The following TLE1 variants were observed in gnomAD, a reference collection of about 807,000 sequenced individuals.
TLE1 encodes the protein transducin-like enhancer protein 1.
Under a neutral mutation model 89.8 loss-of-function variants are expected in TLE1, and 21 were observed. The observed-to-expected ratio is 0.23, with a 90% CI of 0.17 to 0.34. The LOEUF is 0.34. TLE1 is among the 10% of genes least tolerant of loss of function. The pLI is 1.00. For missense variants in TLE1, 795 were observed against 1,031.2 expected (o/e 0.77, Z 3.14); for synonymous variants, 447 against 407.6 (o/e 1.10, Z -1.16).
rs1011234213 is a variant in TLE1, at chr9:81,688,882, G to A, written c.-642C>T. ...AAGACGCAGCGGAGGCTCCTGGCCGGGGAGCGACGGATGACGAGGCGGGGA... is the reference window on the plus strand; with the variant it reads ...AAGACGCAGCGGAGGCTCCTGGCCGAGGAGCGACGGATGACGAGGCGGGGA... On this transcript the variant is annotated 5_prime_UTR_variant, in exon 1 of 20. Transcript: ENST00000376499. The A allele has an allele frequency of 3.3e-5, 5 of 152,404 alleles. No homozygotes were observed. Among genetic ancestry groups the A allele is most frequent in the African/African-American group, 1.2e-4 (5 of 41,476 alleles). The allele number at this position is 152,404 out of a possible 1,614,324, so 9.4% of individuals were successfully genotyped here.
chr9:81,686,469 G>A lies in TLE1; in HGVS notation c.126-573C>T, dbSNP rs902141261. The stretch of plus-strand genomic sequence containing the variant: ...GTGCAAGTATGCCTCAAGCTGCAGA[G>A]ATATTATCTACAAGTAGACAAAAGG... On this transcript the variant is annotated intron_variant, in intron 2 of 19. Transcript: ENST00000376499. 4.6e-5 allele frequency among the ~76,000 whole-genome samples: 7 copies of A among 152,274 alleles called. No individual in the cohort carries two copies. The East Asian group carries it at 5.8e-4, about 13-fold the overall frequency.
At chr9:81,609,502 C>T (rs1823432694) in intron 14 of TLE1, among the ~76,000 whole-genome samples, 1 of 152,222 alleles carries the variant, frequency 6.6e-6, no homozygotes, top group Non-Finnish European at 1.5e-5. Context: ...TGAAATCACA[C>T]TTCTAATTAC....
At chr9:81,647,481 T>C (rs1033353681) in intron 6 of TLE1, among the ~76,000 whole-genome samples, 7 of 152,188 alleles carry the variant, frequency 4.6e-5, no homozygotes, top group Admixed American at 4.6e-4. Context: ...GAGCAAAGCC[T>C]CTGGCTGGGT....
chr9:81,622,518 C>T (rs1478672867), intron 8 of TLE1, among the ~76,000 whole-genome samples: 1 of 152,134 alleles, frequency 6.6e-6, no homozygotes, highest in East Asian at 1.9e-4. Context: ...CTGTTAGAAA[C>T]AATACAATTT....
intron 5 of TLE1, among the ~76,000 whole-genome samples, chr9:81,653,210 T>C (rs1459710975): frequency 1.3e-5 from 2 of 152,178 alleles, no homozygotes; most frequent in Admixed American, 6.5e-5. Flanking sequence ...CCATCCGGCA[T>C]GGAGCAACAG....
At chr9:81,666,257 A>G (rs1831449511) in intron 4 of TLE1, among the ~76,000 whole-genome samples, 1 of 152,146 alleles carries the variant, frequency 6.6e-6, no homozygotes, top group Admixed American at 6.5e-5. Flanking sequence ...ATCACAGATC[A>G]TCACCGTGAA....
At chr9:81,642,408 G>A (rs796086368) in intron 6 of TLE1, among the ~76,000 whole-genome samples, 6 of 151,904 alleles carry the variant, frequency 3.9e-5, no homozygotes, top group African/African-American at 1.4e-4. Flanking sequence ...ATTGGGGTCC[G>A]AGGTCCGGGC....
intron 4 of TLE1, among the ~76,000 whole-genome samples, chr9:81,673,941 T>A (rs2132996066): frequency 6.6e-6 from 1 of 152,302 alleles, no homozygotes; most frequent in South Asian, 2.1e-4. Flanking sequence ...GTCCATCCTT[T>A]ATTCTCTCCA....
intron 4 of TLE1, among the ~76,000 whole-genome samples, chr9:81,667,721 C>T (rs1831665839): frequency 6.6e-6 from 1 of 152,254 alleles, no homozygotes; most frequent in Admixed American, 6.5e-5. Flanking sequence ...TCCTGCTCCC[C>T]CCCAAGCTGA....
Position 81,593,144 on chromosome 9 carries a change from A to C in TLE1, c.1462T>G (p.Cys488Gly). The part of the protein sequence containing the change: ...INTLNHGEVV[C>G]AVTISNPTRH... ...GTGGGGTTGCTGATGGTCACAGCGCACACCACCTCCCCGTGGTTGAGGGTG... is the reference window on the plus strand; with the variant it reads ...GTGGGGTTGCTGATGGTCACAGCGCCCACCACCTCCCCGTGGTTGAGGGTG... Residue 488 changes from cysteine to glycine, a missense_variant, in exon 15 of 20, where the codon TGC becomes GGC. By Grantham distance (159) the Cys-to-Gly change is radical. Transcript: ENST00000376499. The C allele has an allele frequency of 6.2e-7, 1 of 1,613,984 alleles. No homozygotes were observed. The highest frequency in any genetic ancestry group is 8.5e-7 in the Non-Finnish European group (1 of 1,180,012).
intron 12 of TLE1, 42 bp downstream of exon 12, chr9:81,613,335 T>G (rs376266114): frequency 3.4e-5 from 54 of 1,600,128 alleles, no homozygotes; most frequent in Non-Finnish European, 4.6e-5. Context: ...AAGCTGGGAA[T>G]GGGAGAAACC....
At chr9:81,630,663 C>T (rs1826469868) in intron 8 of TLE1, among the ~76,000 whole-genome samples, 1 of 152,186 alleles carries the variant, frequency 6.6e-6, no homozygotes, top group Admixed American at 6.5e-5. Context: ...CACCCTTAAC[C>T]TTTCACTGGA....
In TLE1 at chr9:81,610,278, G is replaced by A; in HGVS notation, c.1273C>T (p.Pro425Ser). Reference protein sequence around the residue: ...RSPMVGFDPPPHMRVPTIPPN... With the variant: ...RSPMVGFDPPSHMRVPTIPPN... ...GGAATGGTAGGTACTCTCATGTGAG[G>A]GGGAGGATCAAACCCCACCTGGAAA... The change falls in exon 14 of 20, where the codon CCT (proline) becomes TCT (serine). Residue 425 changes from proline (P) to serine (S), a missense_variant. Transcript: ENST00000376499. 6.2e-7 allele frequency: 1 copy of A among 1,614,002 alleles called. No individual in the cohort carries two copies. The highest frequency in any genetic ancestry group is 8.5e-7 in the Non-Finnish European group (1 of 1,180,002).
intron 14 of TLE1, among the ~76,000 whole-genome samples, chr9:81,607,058 T>C (rs1030664066): frequency 5.1e-5 from 4 of 77,858 alleles, no homozygotes; most frequent in African/African-American, 3.8e-4. Flanking sequence ...ACCCAGTGTC[T>C]CTAAAAAAAA....
Position 81,611,755 on chromosome 9 carries a change from C to T in TLE1, c.1254+14G>A, listed in dbSNP as rs755457819. ...GTTCCTACCCCAACCACAGCCCACC[C>T]GACAGCGGCCTACCATGGGGGAGCG... On this transcript the variant is annotated intron_variant, in intron 13 of 19. Transcript: ENST00000376499. The T allele has an allele frequency of 1.1e-5, 17 of 1,504,744 alleles. No homozygotes were observed. The East Asian group carries it at 1.3e-4, about 12-fold the overall frequency. 93.2% of individuals were successfully genotyped at this position (1,504,744 alleles called of 1,614,324 possible).
At chr9:81,669,519 TA>T (rs1385534276) in intron 4 of TLE1, among the ~76,000 whole-genome samples, 1 of 152,170 alleles carries the variant, frequency 6.6e-6, no homozygotes, top group African/African-American at 2.4e-5. Flanking sequence ...GTAGAAATTT[TA>T]ACTAATACAG....
intron 6 of TLE1, among the ~76,000 whole-genome samples, chr9:81,640,328 ACCCTGT>A (rs1827949078): frequency 1.3e-5 from 2 of 152,014 alleles, no homozygotes; most frequent in Non-Finnish European, 2.9e-5. Flanking sequence ...CCATCTGAGT[ACCCTGT>A]CACAACACAA....
intron 6 of TLE1, 98 bp downstream of exon 6, chr9:81,652,115 AC>A: frequency 8.9e-7 from 1 of 1,120,878 alleles, no homozygotes; most frequent in Admixed American, 1.9e-5. Flanking sequence ...ATACACACAC[AC>A]ACACACACAC....
chr9:81,624,925 A>G (rs1825725979), intron 8 of TLE1, among the ~76,000 whole-genome samples: 1 of 152,170 alleles, frequency 6.6e-6, no homozygotes, highest in Admixed American at 6.6e-5. Context: ...TTCTAAAACC[A>G]AATAATTTTC....
Sources: gnomAD v4.1 joint callset for allele counts (sites outside exome capture counted in the v4.1 genomes callset) on GRCh38, gnomAD v4.1.1 for gene constraint, MANE v1.5 for transcripts, NCBI Gene and HGNC (gene_info 2026-07-23, HGNC 2026-07-21) for gene names.